Variants in GRID2 observed in about 807,000 individuals in gnomAD.
GRID2 encodes glutamate receptor ionotropic, delta-2.
In GRID2, 33 loss-of-function variants were observed where a neutral mutation model predicts 114.8. That is an observed-to-expected ratio of 0.29 (90% CI 0.22 to 0.38). The LOEUF (loss-of-function observed/expected upper bound fraction) is 0.38, where lower values mean the gene tolerates loss of function less well. GRID2 is among the 10% of genes least tolerant of loss of function. The pLI, the probability that GRID2 is intolerant of heterozygous loss-of-function variation, is 1.00. For missense variants in GRID2, 1,184 were observed against 1,257.7 expected, an observed-to-expected ratio of 0.94 and a Z score of 0.89; for synonymous variants, 505 against 449.9, an observed-to-expected ratio of 1.12 and a Z score of -1.55.
In GRID2 at chr4:92,578,041, TTTCTTCTTCTTCTTCTTCTTCTTC is replaced by T. The variant is rs201059955; in HGVS notation, c.89-12039_89-12016del. ...CTTACTAAAATTTTCTGAAACTTAGTTTCTTCTTCTTCTTCTTCTTCTTCTTCTTCTTCTTCTTCTTCTTCTTCT... is the reference window on the plus strand; with the variant it reads ...CTTACTAAAATTTTCTGAAACTTAGTTTCTTCTTCTTCTTCTTCTTCTTCT... On this transcript the variant is annotated intron_variant, in intron 1 of 15. Transcript: ENST00000282020. 4.1e-3 allele frequency among the ~76,000 whole-genome samples: 514 copies of T among 125,816 alleles called. 12 individuals are homozygous for T. Among genetic ancestry groups the T allele is most frequent in the Middle Eastern group, 4.0e-3 (1 of 252 alleles). The allele number at this position is 125,816 out of a possible 152,430, so 82.5% of individuals were successfully genotyped here.
chr4:93,193,237 C>A (rs1454096403), intron 4 of GRID2, among the ~76,000 whole-genome samples: 1 of 152,108 alleles, frequency 6.6e-6, no homozygotes, highest in African/African-American at 2.4e-5. Flanking sequence ...CAGCCCATCT[C>A]CTTGGGTCTG....
intron 2 of GRID2, among the ~76,000 whole-genome samples, chr4:92,676,715 A>G (rs2149280847): frequency 6.6e-6 from 1 of 152,222 alleles, no homozygotes; most frequent in African/African-American, 2.4e-5. Flanking sequence ...TTTTCTTAAT[A>G]GTAAAGCAAT....
intron 1 of GRID2, among the ~76,000 whole-genome samples, chr4:92,570,388 A>G (rs1727551255): frequency 2.0e-5 from 3 of 151,986 alleles, no homozygotes; most frequent in African/African-American, 2.4e-5. Flanking sequence ...GTGAGATAGC[A>G]TGAAGCCTTT....
chr4:93,050,142 G>A (rs1449196343), intron 2 of GRID2, among the ~76,000 whole-genome samples: 2 of 152,156 alleles, frequency 1.3e-5, no homozygotes, highest in East Asian at 3.9e-4. Context: ...AACAAAAATT[G>A]TCTACATGGT....
intron 2 of GRID2, among the ~76,000 whole-genome samples, chr4:93,058,232 AGT>A (rs1334791566): frequency 6.6e-6 from 1 of 151,970 alleles, no homozygotes; most frequent in Non-Finnish European, 1.5e-5. Context: ...CTCTTAATAC[AGT>A]GTGCATTAAT....
intron 14 of GRID2, among the ~76,000 whole-genome samples, chr4:93,758,977 T>G (rs1732985589): frequency 6.6e-6 from 1 of 151,918 alleles, no homozygotes; most frequent in Admixed American, 6.6e-5. Context: ...AATTATGCCC[T>G]CTATCTCAGT....
chr4:92,676,852 C>T (rs1290236446), intron 2 of GRID2, among the ~76,000 whole-genome samples: 3 of 152,054 alleles, frequency 2.0e-5, no homozygotes, highest in African/African-American at 7.2e-5. Context: ...TTCTCAATAA[C>T]CAAAAGGTGG....
intron 2 of GRID2, among the ~76,000 whole-genome samples, chr4:92,676,935 C>G (rs1270138113): frequency 6.6e-6 from 1 of 152,018 alleles, no homozygotes; most frequent in African/African-American, 2.4e-5. Flanking sequence ...GCAATATTAT[C>G]CAGCTTAAAA....
intron 9 of GRID2, 123 bp from the exon 10 acceptor site, chr4:93,422,648 T>A: frequency 4.7e-6 from 3 of 634,852 alleles, no homozygotes; most frequent in Non-Finnish European, 5.5e-6. Flanking sequence ...GTTATATTCC[T>A]GAGTTGATTC....
chr4:93,155,941 A>G (rs1239103034), intron 4 of GRID2, among the ~76,000 whole-genome samples: 1 of 151,820 alleles, frequency 6.6e-6, no homozygotes, highest in East Asian at 1.9e-4. Flanking sequence ...GCAATAATTC[A>G]TTGTATATTT....
intron 13 of GRID2, among the ~76,000 whole-genome samples, chr4:93,593,721 T>A (rs1738684175): frequency 6.6e-6 from 1 of 152,164 alleles, no homozygotes. Context: ...TCTTTTCACA[T>A]AGTCCCATAT....
intron 10 of GRID2, among the ~76,000 whole-genome samples, chr4:93,445,685 G>T (rs1223588588): frequency 6.6e-6 from 1 of 151,910 alleles, no homozygotes; most frequent in East Asian, 1.9e-4. Context: ...CTTGGGAAAT[G>T]AATAACATTA....
At chr4:92,534,887 C>G (rs1293089853) in intron 1 of GRID2, among the ~76,000 whole-genome samples, 1 of 152,030 alleles carries the variant, frequency 6.6e-6, no homozygotes, top group African/African-American at 2.4e-5. Context: ...AACTAATTAA[C>G]AGGAAAGTAA....
chr4:93,603,548 A>T (rs1471730705), intron 13 of GRID2, among the ~76,000 whole-genome samples: 1 of 152,216 alleles, frequency 6.6e-6, no homozygotes, highest in Non-Finnish European at 1.5e-5. Flanking sequence ...AGATCCATTG[A>T]TGGAGGTGGC....
At chr4:93,393,060 C>T (rs954314679) in intron 8 of GRID2, among the ~76,000 whole-genome samples, 9 of 151,812 alleles carry the variant, frequency 5.9e-5, no homozygotes, top group African/African-American at 1.7e-4. Context: ...ATTTTATTTC[C>T]TTAATAATTT....
intron 2 of GRID2, among the ~76,000 whole-genome samples, chr4:93,045,305 C>G (rs1205272243): frequency 6.6e-6 from 1 of 152,000 alleles, no homozygotes; most frequent in Admixed American, 6.6e-5. Context: ...CTTTTTGCTC[C>G]TAATACTGCT....
chr4:92,469,495 A>G (rs984003841), intron 1 of GRID2, among the ~76,000 whole-genome samples: 3 of 152,134 alleles, frequency 2.0e-5, no homozygotes, highest in African/African-American at 7.2e-5. Context: ...TGTAAATGCT[A>G]TGTGAATAGT....
At chr4:92,411,150 G>T (rs547257861) in intron 1 of GRID2, among the ~76,000 whole-genome samples, 17 of 152,142 alleles carry the variant, frequency 1.1e-4, no homozygotes, top group Admixed American at 3.3e-4. Flanking sequence ...AATTGGCCTG[G>T]CTATTTCTTT....
At chr4:93,162,962 T>C (rs1473119971) in intron 4 of GRID2, among the ~76,000 whole-genome samples, 1 of 151,980 alleles carries the variant, frequency 6.6e-6, no homozygotes, top group Non-Finnish European at 1.5e-5. Context: ...CTTACCGCAT[T>C]TTCTAGAGCA....
Sources: allele counts gnomAD v4.1 joint callset (sites outside exome capture counted in the v4.1 genomes callset), GRCh38; gene constraint gnomAD v4.1.1; transcripts MANE v1.5; gene names NCBI Gene and HGNC (gene_info 2026-07-23, HGNC 2026-07-21).